Variants in TRIP12 observed in about 807,000 individuals in gnomAD.
The protein encoded by TRIP12 is E3 ubiquitin-protein ligase TRIP12.
In TRIP12, 25 loss-of-function variants were observed where a neutral mutation model predicts 244.2. The observed-to-expected ratio is 0.10, with a 90% CI of 0.07 to 0.14. The LOEUF is 0.14. TRIP12 is among the 10% of genes least tolerant of loss of function. The pLI is 1.00. For synonymous variants in TRIP12, 905 were observed against 873.1 expected, an observed-to-expected ratio of 1.04 and a Z score of -0.64; for missense variants, 1,677 against 2,486.4, an observed-to-expected ratio of 0.67 and a Z score of 6.92.
chr2:229,857,663 A>G (rs760705454), intron 4 of TRIP12, among the ~76,000 whole-genome samples: 1 of 152,018 alleles, frequency 6.6e-6, no homozygotes, highest in Non-Finnish European at 1.5e-5. Context: ...GGGAGGAAAG[A>G]AAAGAAAGAC....
chr2:229,770,679 C>T (rs1292221891), intron 39 of TRIP12, among the ~76,000 whole-genome samples: 1 of 152,174 alleles, frequency 6.6e-6, no homozygotes, highest in Non-Finnish European at 1.5e-5. Flanking sequence ...CCCCAAATCT[C>T]ATCTTGAACT....
At chr2:229,770,309 T>A (rs1208629410) in intron 39 of TRIP12, among the ~76,000 whole-genome samples, 1 of 152,160 alleles carries the variant, frequency 6.6e-6, no homozygotes, top group Non-Finnish European at 1.5e-5. Context: ...TATTCCAATT[T>A]TACAGATGAA....
At chr2:229,844,641 C>T (rs1284273772) in intron 4 of TRIP12, among the ~76,000 whole-genome samples, 4 of 152,140 alleles carry the variant, frequency 2.6e-5, no homozygotes. Context: ...TTCTGTTACA[C>T]AAGAAGTCAA....
rs1356155874 is a variant in TRIP12, at chr2:229,802,455, T to C, written c.3003A>G (p.Val1001=). The change falls in exon 21 of 42, where the codon GTA becomes GTG. Residue 1001 remains valine (V), a synonymous_variant. Transcript: ENST00000675903. ...IFSVYFRREG[V]MHQVKHLAES... ...CTGCTAAGTGTTTTACTTGATGCAT[T>C]ACACCTTTATAATAACAGAGATGAA... 6.2e-7 allele frequency: 1 copy of C among 1,610,606 alleles called. No individual in the cohort carries two copies. The highest frequency in any genetic ancestry group is 8.5e-7 in the Non-Finnish European group (1 of 1,177,726).
In TRIP12 at chr2:229,778,143, C is replaced by T. The variant is rs182804102; in HGVS notation, c.5364+290G>A. On this transcript the variant is annotated intron_variant, in intron 36 of 41. Coordinates refer to ENST00000675903, the MANE Select transcript of TRIP12 (RefSeq NM_001348323.3). The surrounding 1 kb of genome is among the most constrained non-coding windows in gnomAD (Gnocchi z 4.1). Reference sequence around the variant, plus strand: ...AAATAAATAATTAATACCACCTTAACTTGCCTGATTATCTGAACCCTTGCT... The same window carrying T: ...AAATAAATAATTAATACCACCTTAATTTGCCTGATTATCTGAACCCTTGCT... Among the ~76,000 whole-genome samples the T allele has an allele frequency of 4.7e-4, 71 of 152,326 alleles. No homozygotes were observed. Among genetic ancestry groups the T allele is most frequent in the Admixed American group, 3.3e-3 (50 of 15,302 alleles).
chr2:229,822,746 C>A lies in TRIP12; in HGVS notation c.1451-4234G>T, dbSNP rs747855849. Among the ~76,000 whole-genome samples, 5 of 152,030 alleles carry A rather than the reference C, an allele frequency of 3.3e-5. No homozygotes were observed. In the East Asian group the frequency reaches 9.7e-4, roughly 29 times the overall value. On this transcript the variant is annotated intron_variant, in intron 8 of 41. Transcript: ENST00000675903. ...GAGAATTAAGTGGGGGAAAAAAAGA[C>A]AATAAAAGCAGACCAATACTTCTAG...
At chr2:229,790,222 G>C (rs1478994317) in intron 30 of TRIP12, among the ~76,000 whole-genome samples, 2 of 152,146 alleles carry the variant, frequency 1.3e-5, no homozygotes, top group African/African-American at 4.8e-5. Context: ...CAGATTGTGA[G>C]GGTTTTCAAG....
intron 1 of TRIP12, among the ~76,000 whole-genome samples, chr2:229,913,531 C>T (rs905058455): frequency 3.3e-5 from 5 of 152,178 alleles, no homozygotes; most frequent in African/African-American, 1.2e-4. Context: ...TTTGGGGTAA[C>T]CAACTAACTA....
chr2:229,864,035 AGAGAGAGAGAGAGTGTGTGT>A (rs1259911806), intron 2 of TRIP12, among the ~76,000 whole-genome samples: 50 of 133,156 alleles, frequency 3.8e-4, no homozygotes, highest in Non-Finnish European at 6.7e-4. Flanking sequence ...AGAGAGAGAG[AGAGAGAGAGAGAGTGTGTGT>A]GTGTGTGTGT....
intron 1 of TRIP12, among the ~76,000 whole-genome samples, chr2:229,919,553 A>G (rs1294598412): frequency 3.9e-5 from 6 of 152,180 alleles, no homozygotes; most frequent in Admixed American, 3.9e-4. Flanking sequence ...TAACTACTTT[A>G]GTTTAGCACC....
chr2:229,801,559 T>C (rs2044354544), intron 21 of TRIP12, among the ~76,000 whole-genome samples: 1 of 152,216 alleles, frequency 6.6e-6, no homozygotes. Flanking sequence ...GTTCATCAGG[T>C]ACCACTCATC....
intron 7 of TRIP12, among the ~76,000 whole-genome samples, chr2:229,830,041 A>C (rs1321556427): frequency 1.3e-5 from 2 of 152,202 alleles, no homozygotes; most frequent in Non-Finnish European, 2.9e-5. Context: ...AGCAATAAAA[A>C]ATGATTTATA....
chr2:229,876,163 A>G (rs1453571981), intron 2 of TRIP12, among the ~76,000 whole-genome samples: 1 of 152,080 alleles, frequency 6.6e-6, no homozygotes, highest in Non-Finnish European at 1.5e-5. Flanking sequence ...AATCCCAGCT[A>G]CTCAGGAGGC....
At chr2:229,818,628 T>A in intron 8 of TRIP12, 116 bp from the exon 9 acceptor site, 2 of 958,684 alleles carry the variant, frequency 2.1e-6, no homozygotes, top group Non-Finnish European at 3.1e-6. Context: ...AATGAAAGAC[T>A]AGGTCTATAC....
At chr2:229,794,640 T>C (rs993415627) in intron 26 of TRIP12, among the ~76,000 whole-genome samples, 3 of 152,070 alleles carry the variant, frequency 2.0e-5, no homozygotes, top group African/African-American at 7.2e-5. Flanking sequence ...GGTCAAAATA[T>C]TCCATGAAAC....
chr2:229,803,375 A>G (rs561549447), intron 20 of TRIP12, among the ~76,000 whole-genome samples, 196 bp downstream of exon 20: 1 of 152,192 alleles, frequency 6.6e-6, no homozygotes, highest in Admixed American at 6.5e-5. Flanking sequence ...TGGCCTCCCA[A>G]AGTGCTGGGG....
intron 1 of TRIP12, among the ~76,000 whole-genome samples, chr2:229,887,866 A>C (rs1297136000): frequency 2.6e-5 from 4 of 152,218 alleles, no homozygotes; most frequent in Admixed American, 2.6e-4. Flanking sequence ...TCAGACATTA[A>C]AGTTACATGT....
intron 1 of TRIP12, among the ~76,000 whole-genome samples, chr2:229,887,950 G>A (rs1222038828): frequency 6.6e-6 from 1 of 152,124 alleles, no homozygotes. Flanking sequence ...ATTGCAGTTT[G>A]TTGCCTGTAG....
intron 4 of TRIP12, among the ~76,000 whole-genome samples, chr2:229,855,840 G>A (rs1175318695): frequency 2.0e-5 from 3 of 151,920 alleles, no homozygotes; most frequent in East Asian, 1.9e-4. Context: ...TCGGGAGTTC[G>A]AGACCAGCCT....
Sources: gnomAD v4.1 joint callset for allele counts (sites outside exome capture counted in the v4.1 genomes callset) on GRCh38, gnomAD v4.1.1 for gene constraint, Gnocchi (gnomAD v3.1) non-coding constraint, MANE v1.5 for transcripts, NCBI Gene and HGNC (gene_info 2026-07-23, HGNC 2026-07-21) for gene names.